The following CORO7 variants were observed in gnomAD, a reference collection of about 807,000 sequenced individuals.
CORO7 encodes coronin-7.
A neutral mutation model predicts 126.6 loss-of-function variants in CORO7; 107 were observed. That is an observed-to-expected ratio of 0.85 (90% CI 0.72 to 0.99). The LOEUF is 0.99. Among genes scored for constraint, CORO7 ranks in the 50% least tolerant of loss-of-function variants. The pLI is 0.00. For synonymous variants in CORO7, 603 were observed against 536.8 expected (o/e 1.12, Z -1.70); for missense variants, 1,314 against 1,255.8 (o/e 1.05, Z -0.70).
At chr16:4,405,038 A>C (rs1258500599) in intron 6 of CORO7, among the ~76,000 whole-genome samples, 1 of 152,086 alleles carries the variant, frequency 6.6e-6, no homozygotes, top group African/African-American at 2.4e-5. Context: ...TGGCCTGTCC[A>C]ACCAGCTCAA....
At chr16:4,395,927 C>T (rs1427811892) in intron 6 of CORO7, among the ~76,000 whole-genome samples, 1 of 152,164 alleles carries the variant, frequency 6.6e-6, no homozygotes, top group African/African-American at 2.4e-5. Flanking sequence ...AAAAAATGTA[C>T]TGAAATAAAG....
In CORO7 at chr16:4,359,607, T is replaced by C; in HGVS notation, c.2123A>G (p.Gln708Arg). 1.2e-6 allele frequency: 2 copies of C among 1,600,632 alleles called. No individual in the cohort carries two copies. Among genetic ancestry groups the C allele is most frequent in the South Asian group, 1.1e-5 (1 of 90,096 alleles). The change falls in exon 22 of 28, where the codon CAG becomes CGG. Residue 708 changes from glutamine to arginine, a missense_variant. By Grantham distance (43) the Gln-to-Arg change is conservative. Coordinates refer to ENST00000251166, the MANE Select transcript of CORO7 (RefSeq NM_024535.5). ...VSGFDSQSERQLLLYEAEALA... is the reference protein window; with the variant it reads ...VSGFDSQSERRLLLYEAEALA... ...GGCCTCAGCTTCATATAGGAGCAGC[T>C]GGCGCTCACTTTGGCTGCAAGGGGG...
intron 7 of CORO7, among the ~76,000 whole-genome samples, chr16:4,394,179 C>T (rs2055495629): frequency 6.6e-6 from 1 of 152,082 alleles, no homozygotes; most frequent in Non-Finnish European, 1.5e-5. Context: ...GACACGGTGG[C>T]TCAGGCCTGT....
chr16:4,398,521 C>T (rs1435998528), intron 6 of CORO7, among the ~76,000 whole-genome samples: 1 of 152,058 alleles, frequency 6.6e-6, no homozygotes, highest in Non-Finnish European at 1.5e-5. Context: ...CAAAAATTAG[C>T]CGGGCGTGGT....
At chr16:4,406,932 C>G (rs545207961) in intron 5 of CORO7, among the ~76,000 whole-genome samples, 25 of 152,210 alleles carry the variant, frequency 1.6e-4, no homozygotes, top group African/African-American at 5.8e-4. Context: ...AGCCACCGCG[C>G]CCGGCCAAAG....
intron 9 of CORO7, among the ~76,000 whole-genome samples, chr16:4,373,630 G>A (rs571565770): frequency 4.9e-4 from 74 of 152,272 alleles, no homozygotes; most frequent in African/African-American, 9.4e-4. Context: ...AGATGGGTCC[G>A]CGGCTCCTAG....
intron 9 of CORO7, among the ~76,000 whole-genome samples, chr16:4,374,526 G>A (rs2054649606): frequency 6.6e-6 from 1 of 152,164 alleles, no homozygotes; most frequent in African/African-American, 2.4e-5. Context: ...TAATTAAGGA[G>A]GGAGGAGGGA....
intron 9 of CORO7, among the ~76,000 whole-genome samples, chr16:4,370,153 C>T (rs1378461746): frequency 6.6e-6 from 1 of 152,162 alleles, no homozygotes; most frequent in Non-Finnish European, 1.5e-5. Flanking sequence ...GCTCTTGGAG[C>T]CCTCTTTACC....
In CORO7 at chr16:4,416,530, C is replaced by T. The variant is rs752506390; in HGVS notation, c.-12G>A. ...CTGAAGCGGTTCATGGCGACGGGCA[C>T]GGCGGCGGACGCGTCTTCGAGGACC... On this transcript the variant is annotated 5_prime_UTR_variant, in exon 1 of 28. In the 5' UTR this introduces an upstream ATG that the reference lacks. Transcript: ENST00000251166. 2.2e-5 allele frequency: 34 copies of T among 1,571,448 alleles called. No homozygotes were observed. Among genetic ancestry groups the T allele is most frequent in the East Asian group, 2.6e-5 (1 of 38,942 alleles).
chr16:4,359,415 T>C (rs746971981), intron 22 of CORO7, 30 bp from the exon 23 acceptor site: 2 of 1,613,306 alleles, frequency 1.2e-6, no homozygotes, highest in Non-Finnish European at 1.7e-6. Context: ...CTGGGAACCC[T>C]CCGGCAACAC....
intron 5 of CORO7, among the ~76,000 whole-genome samples, chr16:4,405,778 T>C (rs1364657251): frequency 1.4e-5 from 2 of 145,124 alleles, no homozygotes; most frequent in African/African-American, 4.9e-5. Context: ...CAGCCGTACA[T>C]CACTCAACTA....
intron 2 of CORO7, 121 bp from the exon 3 acceptor site, chr16:4,412,551 A>G: frequency 1.0e-6 from 1 of 975,540 alleles, no homozygotes; most frequent in Non-Finnish European, 1.6e-6. Context: ...GCCTCTACCA[A>G]TCACAAGATC....
intron 1 of CORO7, chr16:4,415,798 C>G (rs556120749): frequency 2.6e-5 from 26 of 985,582 alleles, no homozygotes; most frequent in Non-Finnish European, 3.0e-5. Context: ...TTCGGGGGTC[C>G]GAAGGGTCTC....
At chr16:4,384,078 G>A (rs113842362) in intron 9 of CORO7, among the ~76,000 whole-genome samples, 1,654 of 152,308 alleles carry the variant, frequency 0.011, 20 homozygotes, top group Non-Finnish European at 0.017. Context: ...TGGCTACAGC[G>A]AGGGCTCTGG....
At chr16:4,404,060 CCA>C (rs1325722039) in intron 6 of CORO7, among the ~76,000 whole-genome samples, 2 of 152,196 alleles carry the variant, frequency 1.3e-5, no homozygotes, top group African/African-American at 4.8e-5. Context: ...TCAACGCACA[CCA>C]CAGAGGAAAA....
chr16:4,358,349 C>G lies in CORO7; in HGVS notation c.2457+18G>C. 1 of 1,610,970 alleles carries G rather than the reference C, an allele frequency of 6.2e-7. No individual in the cohort carries two copies. Among genetic ancestry groups the G allele is most frequent in the Non-Finnish European group, 8.5e-7 (1 of 1,178,964 alleles). On this transcript the variant is annotated intron_variant, in intron 24 of 27. Coordinates refer to ENST00000251166, the MANE Select transcript of CORO7 (RefSeq NM_024535.5). ...CGAGAAGGCGGTGGGCATGGGAGTC[C>G]CAGGTCCCCACCCTCACCCGGACTC...
At position 4,382,626 on chromosome 16, in the gene CORO7, C is replaced by T. The variant is rs368711179; in HGVS notation, c.785+5360G>A. 9.9e-4 allele frequency: 1,560 copies of T among 1,571,768 alleles called. 22 individuals carry two copies. The South Asian group carries it at 0.016, about 16-fold the overall frequency. On this transcript the variant is annotated intron_variant, in intron 9 of 27. Coordinates refer to ENST00000251166, the MANE Select transcript of CORO7 (RefSeq NM_024535.5). ...CGCTCCTCATTGCGCCCGCCCTGGCCGCGGTGCTCCTGGCCGCGCTGGCTG... is the reference window on the plus strand; with the variant it reads ...CGCTCCTCATTGCGCCCGCCCTGGCTGCGGTGCTCCTGGCCGCGCTGGCTG...
Position 4,412,414 on chromosome 16 carries a change from C to T in CORO7, c.174G>A (p.Val58=). 6.2e-7 allele frequency: 1 copy of T among 1,614,238 alleles called. No homozygotes were observed. Among genetic ancestry groups the T allele is most frequent in the Non-Finnish European group, 8.5e-7 (1 of 1,180,042 alleles). Residue 58 remains valine, a synonymous_variant, in exon 3 of 28, where the codon GTG becomes GTA. Coordinates refer to ENST00000251166, the MANE Select transcript of CORO7 (RefSeq NM_024535.5). ...NSDRPGVLGI[V]PLQGQGEDKR... ...TGTCCTCTCCTTGGCCTTGCAGAGG[C>T]ACAATGCCCAGTACACCTGTTAAAC...
At chr16:4,381,290 A>G in intron 9 of CORO7, 11 of 1,612,446 alleles carry the variant, frequency 6.8e-6, no homozygotes, top group Non-Finnish European at 9.3e-6. Context: ...CGCATCCGCC[A>G]CATCCAGCCT....
Sources: allele counts gnomAD v4.1 joint callset (sites outside exome capture counted in the v4.1 genomes callset), GRCh38; gene constraint gnomAD v4.1.1; transcripts MANE v1.5; gene names NCBI Gene and HGNC (gene_info 2026-07-23, HGNC 2026-07-21).